The following TTN variants were observed in gnomAD, a reference collection of about 807,000 sequenced individuals.
TTN encodes the protein connectin.
TTN carries 1,525 observed loss-of-function variants against 3,223.0 expected under a neutral mutation model. The observed-to-expected ratio is 0.47, with a 90% confidence interval of 0.45 to 0.49. The LOEUF (loss-of-function observed/expected upper bound fraction) is 0.49. Among genes scored for constraint, TTN ranks in the 20% least tolerant of loss-of-function variants. The pLI is 0.00. For missense variants in TTN, 40,786 were observed against 43,424.0 expected (o/e 0.94, Z 5.40); for synonymous variants, 14,094 against 15,161.0 (o/e 0.93, Z 5.17).
At chr2:178,663,957 A>G in intron 169 of TTN, 55 bp from the exon 170 acceptor site, 1 of 1,612,714 alleles carries the variant, frequency 6.2e-7, no homozygotes, top group Non-Finnish European at 8.5e-7. Context: ...GCTAGAAAAA[A>G]ATATTGTCAA....
In TTN at chr2:178,572,762, G is replaced by T; in HGVS notation, c.73370C>A (p.Ala24457Glu). Reference sequence around the variant, plus strand: ...GTCCCGGGCCCACTTCACCTCAGGTGCAGGCCTTCCTTTGATGGGAACAAA... The same window carrying T: ...GTCCCGGGCCCACTTCACCTCAGGTTCAGGCCTTCCTTTGATGGGAACAAA... ...RLFVPIKGRP[A>E]PEVKWARDHG... Residue 24457 changes from alanine (A) to glutamate (E), a missense_variant, in exon 326 of 363, where the codon GCA (alanine) becomes GAA (glutamate). By Grantham distance (107) the Ala-to-Glu change is moderately radical (BLOSUM62 -1). Transcript: ENST00000589042. 1 of 1,613,490 alleles carries T rather than the reference G, an allele frequency of 6.2e-7. No homozygotes were observed. Among genetic ancestry groups the T allele is most frequent in the East Asian group, 2.2e-5 (1 of 44,802 alleles).
Position 178,712,869 on chromosome 2 carries a change from C to A in TTN, c.27156G>T (p.Trp9052Cys). The A allele has an allele frequency of 6.2e-7, 1 of 1,613,722 alleles. No homozygotes were observed. Among genetic ancestry groups the A allele is most frequent in the Non-Finnish European group, 8.5e-7 (1 of 1,179,746 alleles). The change falls in exon 94 of 363, where the codon TGG becomes TGT. Residue 9052 changes from tryptophan (W) to cysteine (C), a missense_variant. Trp to Cys is a radical substitution (Grantham distance 215). Transcript: ENST00000589042. Reference sequence around the variant, plus strand: ...GTACTAGTTCACTGCTACCTTTGAACCAGCTAACACTGAAAGGAGGTGTTC... The same window carrying A: ...GTACTAGTTCACTGCTACCTTTGAAACAGCTAACACTGAAAGGAGGTGTTC... The part of the protein sequence containing the change: ...VKGTPPFSVS[W>C]FKGSSELVPG...
At chr2:178,707,920 T>C (rs2076118766) in intron 99 of TTN, 107 bp from the exon 100 acceptor site, 1 of 1,163,364 alleles carries the variant, frequency 8.6e-7, no homozygotes, top group Non-Finnish European at 1.2e-6. Context: ...GGTAACACTG[T>C]TGCTGTAGTA....
intron 212 of TTN, 39 bp downstream of exon 212, chr2:178,649,515 A>C: frequency 6.5e-7 from 1 of 1,531,088 alleles, no homozygotes; most frequent in South Asian, 1.2e-5. Flanking sequence ...AGATATCAGA[A>C]TACTTTCTTT....
In TTN at chr2:178,528,830, T is replaced by G; in HGVS notation, c.106921A>C (p.Asn35641His). The stretch of plus-strand genomic sequence containing the variant: ...TCAGAGTTGGTAAGCTCTACGCCAT[T>G]CAGTACCCATTTCACATCAGTGGCA... ...AGATDVKWVL[N>H]GVELTNSEEY... Residue 35641 changes from asparagine to histidine, a missense_variant, in exon 360 of 363, where the codon AAT becomes CAT. Asn to His is a moderately conservative substitution (Grantham distance 68, BLOSUM62 1). Coordinates refer to ENST00000589042, the MANE Select transcript of TTN (RefSeq NM_001267550.2). 2.5e-6 allele frequency: 4 copies of G among 1,613,950 alleles called. No individual in the cohort carries two copies. The highest frequency in any genetic ancestry group is 3.4e-6 in the Non-Finnish European group (4 of 1,179,866).
chr2:178,646,733 C>T (rs1185857779), intron 215 of TTN, among the ~76,000 whole-genome samples, 174 bp from the exon 216 acceptor site: 1 of 151,830 alleles, frequency 6.6e-6, no homozygotes, highest in Non-Finnish European at 1.5e-5. Flanking sequence ...ACTTGAACTG[C>T]CTATTAATTA....
rs754235852 is a variant in TTN at position 178,694,002 on chromosome 2, G to C, written c.31433C>G (p.Ala10478Gly). The stretch of plus-strand genomic sequence containing the variant: ...AATAACCATCTTCTTTGTATGCACA[G>C]CTGGTACTTTAAAGAGAGTATTTCA... ...QEEVIEVKVP[A>G]VHTKKMVISE... Residue 10478 changes from alanine to glycine, a missense_variant, in exon 118 of 363, where the codon GCT becomes GGT. Transcript: ENST00000589042. 10 of 1,609,830 alleles carry C rather than the reference G, an allele frequency of 6.2e-6. No individual in the cohort carries two copies. The South Asian group carries it at 7.7e-5, about 12-fold the overall frequency.
At position 178,722,141 on chromosome 2, in the gene TTN, G is replaced by T. The variant is rs769076842; in HGVS notation, c.22529-7C>A. 5.8e-6 allele frequency: 9 copies of T among 1,544,448 alleles called. No homozygotes were observed. Among genetic ancestry groups the T allele is most frequent in the Non-Finnish European group, 7.8e-6 (9 of 1,149,028 alleles). On this transcript the variant is annotated splice_polypyrimidine_tract_variant and splice_region_variant and intron_variant, in intron 77 of 362. Coordinates refer to ENST00000589042, the MANE Select transcript of TTN (RefSeq NM_001267550.2). ...AAGGGAGATTTCTTGGGTTCTGGAG[G>T]ATGAGAAGAAAGGCAATGTGTATTT...
Position 178,572,278 on chromosome 2 carries a change from A to G in TTN, c.73854T>C (p.Leu24618=). 1 of 1,613,036 alleles carries G rather than the reference A, an allele frequency of 6.2e-7. No homozygotes were observed. ...CCATCAAAGTTATTTTTCCTGGAGGAAGAGGTCGTTCTGATGCTTTCACAG... is the reference window on the plus strand; with the variant it reads ...CCATCAAAGTTATTTTTCCTGGAGGGAGAGGTCGTTCTGATGCTTTCACAG... ...AESVKASERP[L]PPGKITLMDV... Residue 24618 remains leucine (L), a synonymous_variant, in exon 326 of 363, where the codon CTT becomes CTC. Transcript: ENST00000589042.
intron 47 of TTN, chr2:178,747,329 G>T: frequency 6.2e-7 from 1 of 1,613,292 alleles, no homozygotes; most frequent in Non-Finnish European, 8.5e-7. Flanking sequence ...TCTTTCAACT[G>T]TCTCACCTCC....
rs761116981 is a variant in TTN, at chr2:178,679,694, T to C, written c.33581-12A>G. The C allele has an allele frequency of 1.1e-5, 17 of 1,596,534 alleles. No homozygotes were observed. The highest frequency in any genetic ancestry group is 1.4e-5 in the Non-Finnish European group (17 of 1,174,072). ...GGGTACCTCAGGCACTTTAAAGATA[T>C]TATTAAGAATGTTGGAAATTTTGCA... is the stretch of plus-strand genomic sequence containing the variant. On this transcript the variant is annotated splice_polypyrimidine_tract_variant and intron_variant, in intron 140 of 362. Coordinates refer to ENST00000589042, the MANE Select transcript of TTN (RefSeq NM_001267550.2).
At position 178,591,607 on chromosome 2, in the gene TTN, T is replaced by C; in HGVS notation, c.60212A>G (p.Glu20071Gly). 1 of 1,610,972 alleles carries C rather than the reference T, an allele frequency of 6.2e-7. No homozygotes were observed. Among genetic ancestry groups the C allele is most frequent in the South Asian group, 1.1e-5 (1 of 89,924 alleles). ...PDTTIPIECQ[E>G]KLVPPSVELD... ...GCTAGTCCAAAAATTACCTAGTTTT[T>C]CTTGACATTCTATCGGGATAGTTGT... The change falls in exon 303 of 363, where the codon GAA becomes GGA. Residue 20071 changes from glutamate (E) to glycine (G), a missense_variant. Glu to Gly is a moderately conservative substitution (Grantham distance 98). Transcript: ENST00000589042.
rs367624056 is a variant in TTN, at chr2:178,593,853, G to C, written c.58447C>G (p.Pro19483Ala). 2.5e-6 allele frequency: 4 copies of C among 1,612,312 alleles called. No homozygotes were observed. Among genetic ancestry groups the C allele is most frequent in the Non-Finnish European group, 3.4e-6 (4 of 1,179,444 alleles). The change falls in exon 298 of 363, where the codon CCA becomes GCA. Residue 19483 changes from proline (P) to alanine (A), a missense_variant. Coordinates refer to ENST00000589042, the MANE Select transcript of TTN (RefSeq NM_001267550.2). ...TCATCAAAACTAACTGGTCCTACTG[G>C]TGGTCCAGGACGGTCTGCAGAAAAA... ...QVNVVDRPGPPVGPVSFDEVT... is the reference protein window; with the variant it reads ...QVNVVDRPGPAVGPVSFDEVT...
In TTN at chr2:178,584,699, A is replaced by C. The variant is rs765042066; in HGVS notation, c.64942T>G (p.Ser21648Ala). 6.2e-7 allele frequency: 1 copy of C among 1,613,412 alleles called. No individual in the cohort carries two copies. The highest frequency in any genetic ancestry group is 1.1e-5 in the South Asian group (1 of 91,056). ...GGGAACTGCGCAACCATCTTTGGAG[A>C]TGTGAGAGGCTCTGAAATGCCAAAT... ...NRFGISEPLT[S>A]PKMVAQFPFG... The change falls in exon 310 of 363, where the codon TCT becomes GCT. Residue 21648 changes from serine to alanine, a missense_variant. Coordinates refer to ENST00000589042, the MANE Select transcript of TTN (RefSeq NM_001267550.2).
Position 178,725,638 on chromosome 2 carries a change from A to C in TTN, c.20566T>G (p.Phe6856Val). 1 of 1,583,670 alleles carries C rather than the reference A, an allele frequency of 6.3e-7. No individual in the cohort carries two copies. The highest frequency in any genetic ancestry group is 8.6e-7 in the Non-Finnish European group (1 of 1,163,734). The change falls in exon 71 of 363, where the codon TTT becomes GTT. Residue 6856 changes from phenylalanine to valine, a missense_variant. Physicochemically the swap from Phe to Val is conservative, Grantham distance 50 (BLOSUM62 -1). Coordinates refer to ENST00000589042, the MANE Select transcript of TTN (RefSeq NM_001267550.2). ...GTGAGGCTGTTCAGTTTGGAGACAA[A>C]TCTTGGTGGTTCTGAACAGGAAAAG... ...CTVKLKEPPR[F>V]VSKLNSLTVV... is the part of the protein sequence containing the mutation.
chr2:178,567,354 C>T lies in TTN; in HGVS notation c.78778G>A (p.Asp26260Asn). 1 of 1,597,002 alleles carries T rather than the reference C, an allele frequency of 6.3e-7. No homozygotes were observed. Among genetic ancestry groups the T allele is most frequent in the South Asian group, 1.1e-5 (1 of 87,284 alleles). ...LLIVKDAIRI[D>N]GGQYILRASN... ...GCTCTTAAAATATACTGCCCACCAT[C>T]AATTCTAATTGCATCTTTTACAATA... Residue 26260 changes from aspartate to asparagine, a missense_variant, in exon 326 of 363, where the codon GAT becomes AAT. Asp to Asn is a conservative substitution (Grantham distance 23). Transcript: ENST00000589042.
At chr2:178,603,115 C>T (rs1401375999) in intron 282 of TTN, among the ~76,000 whole-genome samples, 1 of 151,914 alleles carries the variant, frequency 6.6e-6, no homozygotes, top group Non-Finnish European at 1.5e-5. Context: ...TTTTACTGTA[C>T]TTGTCTTTTT....
In TTN at chr2:178,534,928, G is replaced by A. The variant is rs376813674; in HGVS notation, c.101687C>T (p.Ser33896Leu). 8 of 1,611,302 alleles carry A rather than the reference G, an allele frequency of 5.0e-6. No individual in the cohort carries two copies. The African/African-American group carries it at 9.3e-5, about 19-fold the overall frequency. ...AATGCGCTCAAATATGTCAAGTCCT[G>A]ATATAAACTCAAAGATCATAACTAA... is the stretch of plus-strand genomic sequence containing the variant. ...EELVMIFEFISGLDIFERINT... is the reference protein window; with the variant it reads ...EELVMIFEFILGLDIFERINT... The change falls in exon 358 of 363, where the codon TCA becomes TTA. Residue 33896 changes from serine (S) to leucine (L), a missense_variant. Physicochemically the swap from Ser to Leu is moderately radical, Grantham distance 145. Coordinates refer to ENST00000589042, the MANE Select transcript of TTN (RefSeq NM_001267550.2).
In TTN at chr2:178,576,311, C is replaced by G. The variant is rs201043950; in HGVS notation, c.69821G>C (p.Gly23274Ala). Residue 23274 changes from glycine to alanine, a missense_variant, in exon 326 of 363, where the codon GGC becomes GCC. By Grantham distance (60) the Gly-to-Ala change is moderately conservative. Coordinates refer to ENST00000589042, the MANE Select transcript of TTN (RefSeq NM_001267550.2). The surrounding 1 kb of genome is among the most constrained non-coding windows in gnomAD (Gnocchi z 4.3). Reference sequence around the variant, plus strand: ...TACTTTTTGATGCTCCACGACATAGCCAGTGATTTCAAGTCCACCATCATA... The same window carrying G: ...TACTTTTTGATGCTCCACGACATAGGCAGTGATTTCAAGTCCACCATCATA... ...PHYDGGLEIT[G>A]YVVEHQKVGD... The G allele has an allele frequency of 6.3e-7, 1 of 1,575,636 alleles. No homozygotes were observed. Among genetic ancestry groups the G allele is most frequent in the East Asian group, 2.2e-5 (1 of 44,478 alleles).
Sources: gnomAD v4.1 joint callset for allele counts (sites outside exome capture counted in the v4.1 genomes callset) on GRCh38, gnomAD v4.1.1 for gene constraint, Gnocchi (gnomAD v3.1) non-coding constraint, MANE v1.5 for transcripts, NCBI Gene and HGNC (gene_info 2026-07-23, HGNC 2026-07-21) for gene names.